The following PPP1R12A variants were observed in gnomAD, a reference collection of about 807,000 sequenced individuals.
PPP1R12A encodes protein phosphatase 1 regulatory subunit 12A.
PPP1R12A carries 19 observed loss-of-function variants against 139.6 expected under a neutral mutation model. That is an observed-to-expected ratio of 0.14 (90% CI 0.09 to 0.20). The LOEUF (loss-of-function observed/expected upper bound fraction) is 0.20, where lower values mean the gene tolerates loss of function less well. PPP1R12A is among the 10% of genes least tolerant of loss of function. PPP1R12A has a pLI of 1.00. For synonymous variants in PPP1R12A, 427 were observed against 420.6 expected (o/e 1.02, Z -0.19); for missense variants, 925 against 1,211.5 (o/e 0.76, Z 3.51).
chr12:79,844,527 C>T (rs1044989463), intron 3 of PPP1R12A, among the ~76,000 whole-genome samples: 1 of 152,168 alleles, frequency 6.6e-6, no homozygotes, highest in Non-Finnish European at 1.5e-5. Context: ...TCATCTACTA[C>T]CAGTCAAAAA....
chr12:79,893,334 T>TA (rs1020162539), intron 1 of PPP1R12A, among the ~76,000 whole-genome samples: 4 of 152,184 alleles, frequency 2.6e-5, no homozygotes, highest in Non-Finnish European at 5.9e-5. Flanking sequence ...TATTATAACA[T>TA]ACCTGTCCTA....
chr12:79,835,876 C>T (rs1878013222), intron 3 of PPP1R12A, among the ~76,000 whole-genome samples: 1 of 152,192 alleles, frequency 6.6e-6, no homozygotes, highest in Non-Finnish European at 1.5e-5. Context: ...CTACTATCCT[C>T]TACCTGAATT....
At chr12:79,794,019 C>T in intron 18 of PPP1R12A, 91 bp from the exon 19 acceptor site, 1 of 877,348 alleles carries the variant, frequency 1.1e-6, no homozygotes, top group Non-Finnish European at 1.7e-6. Context: ...GTCCTTCTCT[C>T]TCAGAATATA....
chr12:79,866,188 T>C (rs546477997), intron 2 of PPP1R12A, among the ~76,000 whole-genome samples: 13 of 152,302 alleles, frequency 8.5e-5, no homozygotes, highest in African/African-American at 2.6e-4. Flanking sequence ...CATCTGATCT[T>C]TGACAAACCT....
At chr12:79,878,858 C>T (rs1439017031) in intron 1 of PPP1R12A, among the ~76,000 whole-genome samples, 1 of 152,068 alleles carries the variant, frequency 6.6e-6, no homozygotes, top group Non-Finnish European at 1.5e-5. Context: ...AACTACAATT[C>T]AAGATGAGAG....
At chr12:79,872,487 G>A (rs1882680158) in intron 2 of PPP1R12A, among the ~76,000 whole-genome samples, 1 of 152,110 alleles carries the variant, frequency 6.6e-6, no homozygotes, top group Admixed American at 6.5e-5. Context: ...AAAGGAATGA[G>A]TTAGACTGCT....
At chr12:79,896,474 C>A (rs1885142898) in intron 1 of PPP1R12A, among the ~76,000 whole-genome samples, 1 of 151,980 alleles carries the variant, frequency 6.6e-6, no homozygotes, top group African/African-American at 2.4e-5. Context: ...GCTGCGACCA[C>A]AGACGTGCCA....
At chr12:79,782,061 C>T in intron 22 of PPP1R12A, 199 bp from the exon 23 acceptor site, 2 of 364,444 alleles carry the variant, frequency 5.5e-6, no homozygotes, top group Non-Finnish European at 1.0e-5. Context: ...GAATGGTAAC[C>T]AGAGCTCTCA....
intron 1 of PPP1R12A, among the ~76,000 whole-genome samples, chr12:79,915,399 T>C (rs1886913447): frequency 6.6e-6 from 1 of 152,166 alleles, no homozygotes; most frequent in South Asian, 2.1e-4. Flanking sequence ...CAAACAAATC[T>C]AAAAACCTAG....
chr12:79,833,480 G>GTA (rs1877683593), intron 3 of PPP1R12A, among the ~76,000 whole-genome samples: 1 of 151,892 alleles, frequency 6.6e-6, no homozygotes, highest in Non-Finnish European at 1.5e-5. Flanking sequence ...AAGTCTATAG[G>GTA]CCTTTTTATC....
intron 3 of PPP1R12A, among the ~76,000 whole-genome samples, chr12:79,844,046 A>T (rs1413103259): frequency 1.3e-5 from 2 of 152,106 alleles, no homozygotes; most frequent in African/African-American, 4.8e-5. Flanking sequence ...ACACACACAC[A>T]GCTTTATTAA....
At chr12:79,847,049 G>A (rs1022781249) in intron 2 of PPP1R12A, among the ~76,000 whole-genome samples, 2 of 151,700 alleles carry the variant, frequency 1.3e-5, no homozygotes, top group Admixed American at 6.6e-5. Flanking sequence ...AAAAGTACAC[G>A]TCCACAGAGG....
chr12:79,782,624 G>C (rs1474952513), intron 22 of PPP1R12A: 2 of 425,848 alleles, frequency 4.7e-6, no homozygotes, highest in African/African-American at 4.2e-5. Context: ...CACAGTTTAA[G>C]AACAAAACAA....
chr12:79,901,171 A>C (rs1885608599), intron 1 of PPP1R12A, among the ~76,000 whole-genome samples: 1 of 152,208 alleles, frequency 6.6e-6, no homozygotes, highest in Non-Finnish European at 1.5e-5. Context: ...TTTTTGGCAG[A>C]AGTAACTGTT....
At chr12:79,849,768 A>G (rs1879832704) in intron 2 of PPP1R12A, among the ~76,000 whole-genome samples, 1 of 152,192 alleles carries the variant, frequency 6.6e-6, no homozygotes, top group Admixed American at 6.5e-5. Flanking sequence ...AATTTCCTTA[A>G]GCAAATCAAA....
chr12:79,804,474 A>G (rs974153682), intron 14 of PPP1R12A, among the ~76,000 whole-genome samples: 2 of 152,034 alleles, frequency 1.3e-5, no homozygotes, highest in African/African-American at 4.8e-5. Flanking sequence ...GCAATGATAG[A>G]AAAAAAAGTT....
chr12:79,910,809 A>C (rs1886505185), intron 1 of PPP1R12A, among the ~76,000 whole-genome samples: 1 of 152,236 alleles, frequency 6.6e-6, no homozygotes, highest in Non-Finnish European at 1.5e-5. Flanking sequence ...GAATATAGCT[A>C]GTGGCTAAAA....
intron 2 of PPP1R12A, among the ~76,000 whole-genome samples, chr12:79,856,305 T>C (rs1190148275): frequency 1.3e-5 from 2 of 152,226 alleles, no homozygotes; most frequent in Non-Finnish European, 2.9e-5. Flanking sequence ...TCCAAGAAAT[T>C]ATGGCTCCAA....
chr12:79,807,388 G>T, intron 11 of PPP1R12A, 58 bp from the exon 12 acceptor site: 1 of 1,055,442 alleles, frequency 9.5e-7, no homozygotes. Flanking sequence ...GATTAAGAAA[G>T]CGGTACACTA....
Sources: allele counts gnomAD v4.1 joint callset (sites outside exome capture counted in the v4.1 genomes callset), GRCh38; gene constraint gnomAD v4.1.1; transcripts MANE v1.5; gene names NCBI Gene and HGNC (gene_info 2026-07-23, HGNC 2026-07-21).